The following CHN2 variants were observed in gnomAD, a reference collection of about 807,000 sequenced individuals.
The protein encoded by CHN2 is chimerin 2.
A neutral mutation model predicts 56.3 loss-of-function variants in CHN2; 35 were observed. The ratio of observed to expected loss-of-function variants is 0.62; its 90% CI spans 0.47 to 0.82. The LOEUF is 0.82. Among genes scored for constraint, CHN2 ranks in the 40% least tolerant of loss-of-function variants. The pLI is 0.00. For synonymous variants in CHN2, 210 were observed against 212.8 expected (o/e 0.99, Z 0.12); for missense variants, 491 against 580.5 (o/e 0.85, Z 1.58).
rs2128040699 is a variant in CHN2 at position 29,367,837 on chromosome 7, A to T, written c.89-95A>T. Reference sequence around the variant, plus strand: ...TTTTTTTATATTTACAATCCTTGAGATGTACTTAGGTGGAAATATTTGAAG... The same window carrying T: ...TTTTTTTATATTTACAATCCTTGAGTTGTACTTAGGTGGAAATATTTGAAG... On this transcript the variant is annotated intron_variant, in intron 2 of 12. Coordinates refer to ENST00000222792, the MANE Select transcript of CHN2 (RefSeq NM_004067.4). The T allele has an allele frequency of 5.2e-6, 5 of 958,270 alleles. No homozygotes were observed. The East Asian group carries it at 1.4e-4, about 27-fold the overall frequency. The allele number at this position is 958,270 out of a possible 1,614,324, so 59.4% of individuals were successfully genotyped here. A position where few individuals can be genotyped will look rare whatever the true frequency, so the allele number is the denominator to read the frequency against.
At chr7:29,155,164 G>A (rs1214974386) in intron 2 of CHN2, among the ~76,000 whole-genome samples, 1 of 151,346 alleles carries the variant, frequency 6.6e-6, no homozygotes, top group African/African-American at 2.4e-5. Context: ...ATTTGGGTGG[G>A]GACACAGCCA....
Position 29,480,315 on chromosome 7 carries a change from A to C in CHN2, c.613A>C (p.Asn205His). ...GGTTCGAAGGGCTGCCCTCACACAC[A>C]ACGACAACCACTTCAATTATGAGAA... is the stretch of plus-strand genomic sequence containing the variant. The part of the protein sequence containing the change: ...SLVRRAALTH[N>H]DNHFNYEKTH... The change falls in exon 7 of 13, where the codon AAC (asparagine) becomes CAC (histidine). Residue 205 changes from asparagine to histidine, a missense_variant. Physicochemically the swap from Asn to His is moderately conservative, Grantham distance 68. Transcript: ENST00000222792. 1 of 1,614,162 alleles carries C rather than the reference A, an allele frequency of 6.2e-7. No homozygotes were observed. Among genetic ancestry groups the C allele is most frequent in the Non-Finnish European group, 8.5e-7 (1 of 1,180,012 alleles).
chr7:29,416,097 CCTT>C (rs1203045815), intron 6 of CHN2, among the ~76,000 whole-genome samples: 4 of 152,158 alleles, frequency 2.6e-5, no homozygotes, highest in African/African-American at 9.7e-5. Context: ...CAAGACATAA[CCTT>C]CTATTCTGCA....
intron 2 of CHN2, among the ~76,000 whole-genome samples, chr7:29,355,273 T>C (rs1422761592): frequency 6.6e-6 from 1 of 152,090 alleles, no homozygotes; most frequent in African/African-American, 2.4e-5. Flanking sequence ...GCCCAGCCAC[T>C]TTTATTTATT....
rs532359365 is a variant in CHN2, at chr7:29,344,519, C to T, written c.50-10106C>T. 3.3e-5 allele frequency among the ~76,000 whole-genome samples: 5 copies of T among 152,270 alleles called. No homozygotes were observed. The South Asian group carries it at 8.3e-4, about 25-fold the overall frequency. On this transcript the variant is annotated intron_variant, in intron 1 of 12. Coordinates refer to ENST00000222792, the MANE Select transcript of CHN2 (RefSeq NM_004067.4). ...CCAGCAAGCTGAGACACTTCTGGCT[C>T]TCAGTGCCATGTCCTGTCTTGCCTC...
intron 1 of CHN2, among the ~76,000 whole-genome samples, chr7:29,267,496 G>T (rs1004950848): frequency 2.0e-5 from 3 of 152,004 alleles, no homozygotes; most frequent in Non-Finnish European, 2.9e-5. Context: ...TCCCACCTTG[G>T]CCTCCCAAAG....
intron 3 of CHN2, among the ~76,000 whole-genome samples, chr7:29,378,639 C>T (rs1463178830): frequency 6.6e-6 from 1 of 152,190 alleles, no homozygotes; most frequent in Non-Finnish European, 1.5e-5. Context: ...AAAAAGTTTG[C>T]CGACCCCTGG....
chr7:29,396,327 T>C (rs1417775844), intron 4 of CHN2, among the ~76,000 whole-genome samples: 1 of 151,392 alleles, frequency 6.6e-6, no homozygotes, highest in Admixed American at 6.6e-5. Flanking sequence ...CATGGTGGGG[T>C]GTGCCTGTAG....
chr7:29,218,396 G>A (rs1291273736), intron 1 of CHN2, among the ~76,000 whole-genome samples: 2 of 152,042 alleles, frequency 1.3e-5, no homozygotes, highest in Non-Finnish European at 2.9e-5. Context: ...TCAGTGTGGC[G>A]ATTCCTCAGG....
intron 1 of CHN2, chr7:29,212,758 G>A: frequency 1.2e-6 from 2 of 1,610,160 alleles, no homozygotes; most frequent in Non-Finnish European, 1.7e-6. Flanking sequence ...CTAAGAGGTG[G>A]CAGAAAAACA....
At chr7:29,179,906 CTG>C (rs1797848672) in intron 2 of CHN2, among the ~76,000 whole-genome samples, 1 of 152,290 alleles carries the variant, frequency 6.6e-6, no homozygotes, top group East Asian at 1.9e-4. Context: ...AATCTGGTCA[CTG>C]TTATTTTGAA....
intron 1 of CHN2, among the ~76,000 whole-genome samples, chr7:29,347,893 A>G (rs1442848874): frequency 6.6e-6 from 1 of 152,220 alleles, no homozygotes; most frequent in Non-Finnish European, 1.5e-5. Flanking sequence ...CAAACAGCAA[A>G]TTGCAGAACA....
At chr7:29,256,606 G>C (rs1789099914) in intron 1 of CHN2, among the ~76,000 whole-genome samples, 2 of 152,144 alleles carry the variant, frequency 1.3e-5, no homozygotes, top group African/African-American at 4.8e-5. Context: ...AGTATATTCT[G>C]CCAGAAGCTG....
chr7:29,242,814 T>A (rs1055941602), intron 1 of CHN2, among the ~76,000 whole-genome samples: 1 of 143,030 alleles, frequency 7.0e-6, no homozygotes, highest in Non-Finnish European at 1.5e-5. Context: ...AAGATTCAGA[T>A]GACATTTCTA....
intron 1 of CHN2, among the ~76,000 whole-genome samples, chr7:29,272,163 T>A (rs1017692059): frequency 6.6e-6 from 1 of 152,116 alleles, no homozygotes; most frequent in African/African-American, 2.4e-5. Context: ...TGGGCCGTTC[T>A]CCTGCCCCGT....
intron 8 of CHN2, among the ~76,000 whole-genome samples, chr7:29,498,597 A>T (rs1789556372): frequency 1.3e-5 from 2 of 152,176 alleles, no homozygotes; most frequent in African/African-American, 4.8e-5. Context: ...TATAAAGCAG[A>T]TGACTACAAT....
intron 1 of CHN2, among the ~76,000 whole-genome samples, chr7:29,292,215 T>C (rs1273802627): frequency 6.6e-6 from 1 of 152,162 alleles, no homozygotes; most frequent in East Asian, 1.9e-4. Flanking sequence ...GAGATGCATG[T>C]TTTTGATATG....
At chr7:29,447,607 TA>T (rs1471349267) in intron 6 of CHN2, among the ~76,000 whole-genome samples, 1 of 152,154 alleles carries the variant, frequency 6.6e-6, no homozygotes, top group East Asian at 1.9e-4. Flanking sequence ...TCCCAGGCAC[TA>T]AAATCTATAC....
At chr7:29,444,249 G>A (rs1009868948) in intron 6 of CHN2, among the ~76,000 whole-genome samples, 2 of 151,940 alleles carry the variant, frequency 1.3e-5, no homozygotes, top group Non-Finnish European at 2.9e-5. Context: ...AACTAACACC[G>A]GAAAATCCTA....
Sources: gnomAD v4.1 joint callset for allele counts (sites outside exome capture counted in the v4.1 genomes callset) on GRCh38, gnomAD v4.1.1 for gene constraint, MANE v1.5 for transcripts, NCBI Gene and HGNC (gene_info 2026-07-23, HGNC 2026-07-21) for gene names.